The following AKAP10 variants were observed in gnomAD, a reference collection of about 807,000 sequenced individuals.
AKAP10 encodes the protein A-kinase anchor protein 10, mitochondrial.
In AKAP10, 24 loss-of-function variants were observed where a neutral mutation model predicts 80.8. The observed-to-expected ratio is 0.30, with a 90% confidence interval of 0.22 to 0.42. The LOEUF (loss-of-function observed/expected upper bound fraction) is 0.42, where lower values mean the gene tolerates loss of function less well. Among genes scored for constraint, AKAP10 ranks in the 10% least tolerant of loss-of-function variants. The pLI is 1.00. For missense variants in AKAP10, 661 were observed against 794.9 expected (o/e 0.83, Z 2.03); for synonymous variants, 291 against 277.7 (o/e 1.05, Z -0.48).
intron 9 of AKAP10, 198 bp downstream of exon 9, chr17:19,936,088 G>A (rs1228413116): frequency 2.0e-5 from 9 of 440,746 alleles, no homozygotes; most frequent in South Asian, 1.3e-4. Flanking sequence ...CATCGTACAC[G>A]CAGTCCACTG....
intron 4 of AKAP10, among the ~76,000 whole-genome samples, chr17:19,952,930 C>T (rs758045687): frequency 5.9e-5 from 9 of 152,102 alleles, no homozygotes; most frequent in Admixed American, 1.3e-4. Flanking sequence ...CCAACTAAAT[C>T]AACTTGACAT....
chr17:19,972,327 G>A (rs963897288), intron 1 of AKAP10, among the ~76,000 whole-genome samples: 1 of 152,082 alleles, frequency 6.6e-6, no homozygotes, highest in Admixed American at 6.5e-5. Flanking sequence ...TTTGTGAACT[G>A]CCTCTTCATG....
chr17:19,923,360 G>A (rs1318168145), intron 11 of AKAP10, among the ~76,000 whole-genome samples: 4 of 152,124 alleles, frequency 2.6e-5, no homozygotes, highest in Non-Finnish European at 4.4e-5. Context: ...TTACAGGCGT[G>A]AGCCACCGTG....
At chr17:19,938,889 C>T (rs1006782086) in intron 8 of AKAP10, among the ~76,000 whole-genome samples, 5 of 151,970 alleles carry the variant, frequency 3.3e-5, no homozygotes, top group East Asian at 1.9e-4. Context: ...CACGCCATCA[C>T]GCTCAGCTAA....
intron 10 of AKAP10, 78 bp downstream of exon 10, chr17:19,931,727 A>G: frequency 6.9e-7 from 1 of 1,457,628 alleles, no homozygotes; most frequent in Non-Finnish European, 9.3e-7. Context: ...ATTTACAAAT[A>G]ATAGGATCTG....
At chr17:19,937,251 C>T (rs905837854) in intron 8 of AKAP10, among the ~76,000 whole-genome samples, 1 of 152,176 alleles carries the variant, frequency 6.6e-6, no homozygotes, top group Admixed American at 6.5e-5. Context: ...CCTATAATCC[C>T]AGCACTTTGG....
In AKAP10 at chr17:19,927,093, C is replaced by CT. The variant is rs1393196647; in HGVS notation, c.1642-2577dup. ...GGCTCACACCTGTAATCCCAGCACT[C>CT]TGGGAGGCAGAGGTGGGAGAATCAC... On this transcript the variant is annotated intron_variant, in intron 10 of 14. Transcript: ENST00000225737. Among the ~76,000 whole-genome samples, 3 of 152,036 alleles carry CT rather than the reference C, an allele frequency of 2.0e-5. No homozygotes were observed. The East Asian group carries it at 5.8e-4, about 29-fold the overall frequency.
At chr17:19,962,293 TATACACACACACAC>T (rs2043361406) in intron 3 of AKAP10, among the ~76,000 whole-genome samples, 4 of 132,066 alleles carry the variant, frequency 3.0e-5, no homozygotes, top group African/African-American at 8.7e-5. Flanking sequence ...CATACATACA[TATACACACACACAC>T]ACACACACAC....
intron 5 of AKAP10, among the ~76,000 whole-genome samples, chr17:19,942,906 T>C (rs2043064569): frequency 6.6e-6 from 1 of 151,940 alleles, no homozygotes; most frequent in African/African-American, 2.4e-5. Context: ...TTTTTTTTTT[T>C]CCTTTTTCTT....
chr17:19,958,175 G>A lies in AKAP10; in HGVS notation c.716C>T (p.Ser239Phe), dbSNP rs756892674. 6.2e-7 allele frequency: 1 copy of A among 1,614,154 alleles called. No homozygotes were observed. The highest frequency in any genetic ancestry group is 1.1e-5 in the South Asian group (1 of 91,086). The part of the protein sequence containing the change: ...TNSTQNHLLL[S>F]QECDSAHSLR... ...AGAATGGGCACTGTCACATTCCTGG[G>A]AAAGCAGCAAGTGATTCTGAGTGCT... Residue 239 changes from serine to phenylalanine, a missense_variant, in exon 4 of 15, where the codon TCC (serine) becomes TTC (phenylalanine). By Grantham distance (155) the Ser-to-Phe change is radical. Coordinates refer to ENST00000225737, the MANE Select transcript of AKAP10 (RefSeq NM_007202.4).
At position 19,904,893 on chromosome 17, in the gene AKAP10, C is replaced by CT. The variant is rs2042616338; in HGVS notation, c.*1333dup. On this transcript the variant is annotated 3_prime_UTR_variant, in exon 15 of 15. Transcript: ENST00000225737. ...ATAGTACCAAAAACTTACACAAAGC[C>CT]TTTTTGCTTCTTCTGTCGATGAAAC... 6.6e-6 allele frequency: 1 copy of CT among 151,810 alleles called. No individual in the cohort carries two copies. Among genetic ancestry groups the CT allele is most frequent in the Non-Finnish European group, 1.5e-5 (1 of 67,972 alleles). 9.4% of individuals were successfully genotyped at this position (151,810 alleles called of 1,614,324 possible). A position where few individuals can be genotyped will look rare whatever the true frequency, so the allele number is the denominator to read the frequency against.
At chr17:19,964,931 G>T (rs1405001572) in intron 2 of AKAP10, among the ~76,000 whole-genome samples, 1 of 152,088 alleles carries the variant, frequency 6.6e-6, no homozygotes, top group Non-Finnish European at 1.5e-5. Flanking sequence ...AGTAATTCTG[G>T]CAAATTCAAG....
intron 1 of AKAP10, among the ~76,000 whole-genome samples, chr17:19,973,451 C>G (rs1184166712): frequency 6.6e-6 from 1 of 152,140 alleles, no homozygotes; most frequent in Non-Finnish European, 1.5e-5. Flanking sequence ...TGAGAGGAGG[C>G]AGGAAATTAT....
At chr17:19,969,380 A>T (rs958884359) in intron 1 of AKAP10, among the ~76,000 whole-genome samples, 3 of 152,156 alleles carry the variant, frequency 2.0e-5, no homozygotes, top group Non-Finnish European at 4.4e-5. Context: ...TGTCTGTAAA[A>T]TAATCATATA....
chr17:19,963,160 T>TAA (rs1300994929), intron 2 of AKAP10, 138 bp from the exon 3 acceptor site: 13 of 598,426 alleles, frequency 2.2e-5, no homozygotes, highest in Non-Finnish European at 3.4e-5. Context: ...AAAAAATACT[T>TAA]AAGAGGAAAA....
rs928913812 is a variant in AKAP10 at position 19,946,586 on chromosome 17, T to C, written c.976+821A>G. Reference sequence around the variant, plus strand: ...CAGTGAGTGTTTAATAAATGTGTACTATTTATTGATCTTGCTGTCATTGTT... The same window carrying C: ...CAGTGAGTGTTTAATAAATGTGTACCATTTATTGATCTTGCTGTCATTGTT... On this transcript the variant is annotated intron_variant, in intron 5 of 14. Transcript: ENST00000225737. Among the ~76,000 whole-genome samples the C allele has an allele frequency of 1.3e-5, 2 of 151,266 alleles. 1 individual carries two copies.
intron 12 of AKAP10, among the ~76,000 whole-genome samples, chr17:19,915,838 A>T (rs2042737300): frequency 6.6e-6 from 1 of 152,182 alleles, no homozygotes; most frequent in Non-Finnish European, 1.5e-5. Flanking sequence ...CCCTACACTA[A>T]ATTTTCCAAA....
At chr17:19,926,344 T>A (rs2152412078) in intron 10 of AKAP10, among the ~76,000 whole-genome samples, 1 of 151,570 alleles carries the variant, frequency 6.6e-6, no homozygotes, top group East Asian at 1.9e-4. Flanking sequence ...AAAAGGCATT[T>A]ATTGAAAACC....
chr17:19,973,508 T>A (rs12602535), intron 1 of AKAP10, among the ~76,000 whole-genome samples: 1 of 152,234 alleles, frequency 6.6e-6, no homozygotes, highest in Non-Finnish European at 1.5e-5. Flanking sequence ...GATCAGTCTA[T>A]CTTTTCCCAA....
Sources: allele counts gnomAD v4.1 joint callset (sites outside exome capture counted in the v4.1 genomes callset), GRCh38; gene constraint gnomAD v4.1.1; transcripts MANE v1.5; gene names NCBI Gene and HGNC (gene_info 2026-07-23, HGNC 2026-07-21).